Variants in NFIX observed in about 807,000 individuals in gnomAD.
NFIX encodes nuclear factor I X, also known as nuclear factor 1 X-type.
In NFIX, 2 loss-of-function variants were observed where a neutral mutation model predicts 53.3. That is an observed-to-expected ratio of 0.04 (90% CI 0.02 to 0.12). The LOEUF (loss-of-function observed/expected upper bound fraction) is 0.12, where lower values mean the gene tolerates loss of function less well. Ranked by LOEUF, NFIX falls within the 10% of genes least tolerant of loss-of-function variation. NFIX has a pLI of 1.00. For synonymous variants in NFIX, 244 were observed against 289.0 expected (o/e 0.84, Z 1.58); for missense variants, 310 against 674.5 (o/e 0.46, Z 5.99).
rs754554335 is a variant in NFIX at position 13,005,884 on chromosome 19, G to T, written c.27+10020G>T. 1.3e-5 allele frequency among the ~76,000 whole-genome samples: 2 copies of T among 152,186 alleles called. No homozygotes were observed. Among genetic ancestry groups the T allele is most frequent in the Non-Finnish European group, 2.9e-5 (2 of 68,032 alleles). The stretch of plus-strand genomic sequence containing the variant: ...ACCCCCTCTGCACCCCTGCTGGCCA[G>T]GCTTGCCCTCACCCCCGCAGGTCCA... On this transcript the variant is annotated intron_variant, in intron 1 of 10. Transcript: ENST00000592199. This position sits in a 1 kb window ranked among gnomAD's most constrained non-coding sequence, Gnocchi z 4.7.
chr19:13,085,129 C>T (rs1026659515), intron 8 of NFIX, among the ~76,000 whole-genome samples: 5 of 151,906 alleles, frequency 3.3e-5, no homozygotes, highest in Non-Finnish European at 7.4e-5. Context: ...CCTTCTAGCT[C>T]CTAACTCCTG....
At position 13,025,694 on chromosome 19, in the gene NFIX, G is replaced by A. The variant is rs1300196241; in HGVS notation, c.559+142G>A. 4 of 914,496 alleles carry A rather than the reference G, an allele frequency of 4.4e-6. No homozygotes were observed. Among genetic ancestry groups the A allele is most frequent in the Non-Finnish European group, 6.5e-6 (4 of 619,940 alleles). 56.6% of individuals were successfully genotyped at this position (914,496 alleles called of 1,614,324 possible). ...CCCGTCCTGCGGGGCCTGCAACACG[G>A]TTCTATGGGCCCTTTTCCTTTTTCC... On this transcript the variant is annotated intron_variant, in intron 2 of 10. Transcript: ENST00000592199. The surrounding 1 kb of genome is among the most constrained non-coding windows in gnomAD (Gnocchi z 7.5).
Position 13,014,259 on chromosome 19 carries a change from C to T in NFIX, c.28-10762C>T, listed in dbSNP as rs1017627968. 1 of 152,186 alleles carries T rather than the reference C, an allele frequency of 6.6e-6. No individual in the cohort carries two copies. Among genetic ancestry groups the T allele is most frequent in the African/African-American group, 2.4e-5 (1 of 41,434 alleles). The allele number at this position is 152,186 out of a possible 1,614,324, so 9.4% of individuals were successfully genotyped here. On this transcript the variant is annotated intron_variant, in intron 1 of 10. Coordinates refer to ENST00000592199, the MANE Select transcript of NFIX (RefSeq NM_001365902.3). The surrounding 1 kb of genome is among the most constrained non-coding windows in gnomAD (Gnocchi z 4.4). ...CGCAAATCCCCAAACTGGCACAAAC[C>T]GGGAAACTTGCGGCCGGCCGTTCTT...
rs1238940372 is a variant in NFIX, at chr19:13,009,440, A to G, written c.27+13576A>G. Among the ~76,000 whole-genome samples, 1 of 152,200 alleles carries G rather than the reference A, an allele frequency of 6.6e-6. No homozygotes were observed. The highest frequency in any genetic ancestry group is 1.5e-5 in the Non-Finnish European group (1 of 68,032). On this transcript the variant is annotated intron_variant, in intron 1 of 10. Transcript: ENST00000592199. This position sits in a 1 kb window ranked among gnomAD's most constrained non-coding sequence, Gnocchi z 4.7. The stretch of plus-strand genomic sequence containing the variant: ...CAAGTGCCAAGGTCATGGGGCTAGA[A>G]GCAGGGTGGTGGGGATTACCCAGCC...
intron 2 of NFIX, among the ~76,000 whole-genome samples, chr19:13,056,186 G>A (rs952200259): frequency 8.3e-4 from 127 of 152,306 alleles, no homozygotes; most frequent in African/African-American, 3.0e-3. Context: ...GGAAGCAGGC[G>A]GGCAGGGGGA....
chr19:13,069,791 G>GT (rs2016661119), intron 2 of NFIX: 1 of 152,328 alleles, frequency 6.6e-6, no homozygotes, highest in Non-Finnish European at 1.5e-5. Flanking sequence ...CAGGCAGAGT[G>GT]TTTTTTCTCA....
In NFIX at chr19:13,037,238, T is replaced by C. The variant is rs763659294; in HGVS notation, c.559+11686T>C. Among the ~76,000 whole-genome samples, 12 of 152,150 alleles carry C rather than the reference T, an allele frequency of 7.9e-5. No individual in the cohort carries two copies. The highest frequency in any genetic ancestry group is 1.8e-4 in the Non-Finnish European group (12 of 68,010). On this transcript the variant is annotated intron_variant, in intron 2 of 10. Coordinates refer to ENST00000592199, the MANE Select transcript of NFIX (RefSeq NM_001365902.3). The surrounding 1 kb of genome is among the most constrained non-coding windows in gnomAD (Gnocchi z 4.2). ...AGCTACAGAGTCTTCCCTGTCCTTCTCTCTCCCAGGTGACCTCTACAGGGC... is the reference window on the plus strand; with the variant it reads ...AGCTACAGAGTCTTCCCTGTCCTTCCCTCTCCCAGGTGACCTCTACAGGGC...
intron 8 of NFIX, among the ~76,000 whole-genome samples, chr19:13,085,207 AG>A (rs2017705969): frequency 6.6e-6 from 1 of 152,192 alleles, no homozygotes; most frequent in Non-Finnish European, 1.5e-5. Context: ...CCCCAGTCAG[AG>A]CTGAGACATG....
Position 13,073,784 on chromosome 19 carries a change from C to T in NFIX, c.698-122C>T. On this transcript the variant is annotated intron_variant, in intron 4 of 10. Transcript: ENST00000592199. This position sits in a 1 kb window ranked among gnomAD's most constrained non-coding sequence, Gnocchi z 4.5. ...CAGCAGCCCAGATGGCCCACTTTCT[C>T]CCATCTCCTGGCCCCACAGTAAACT... 5 of 1,351,046 alleles carry T rather than the reference C, an allele frequency of 3.7e-6. No individual in the cohort carries two copies. Among genetic ancestry groups the T allele is most frequent in the Non-Finnish European group, 5.1e-6 (5 of 975,552 alleles). 83.7% of individuals were successfully genotyped at this position (1,351,046 alleles called of 1,614,324 possible). A position where few individuals can be genotyped will look rare whatever the true frequency, so the allele number is the denominator to read the frequency against.
chr19:13,010,168 T>G (rs2145151390), intron 1 of NFIX, among the ~76,000 whole-genome samples: 1 of 152,250 alleles, frequency 6.6e-6, no homozygotes, highest in African/African-American at 2.4e-5. Flanking sequence ...CCAACAGGGC[T>G]CCAACGACAT....
chr19:13,073,092 T>C lies in NFIX; in HGVS notation c.605T>C (p.Ile202Thr). 6.2e-7 allele frequency: 1 copy of C among 1,614,000 alleles called. No homozygotes were observed. Among genetic ancestry groups the C allele is most frequent in the Non-Finnish European group, 8.5e-7 (1 of 1,179,870 alleles). Residue 202 changes from isoleucine (I) to threonine (T), a missense_variant, in exon 3 of 11, where the codon ATC becomes ACC. Coordinates refer to ENST00000592199, the MANE Select transcript of NFIX (RefSeq NM_001365902.3). This position sits in a 1 kb window ranked among gnomAD's most constrained non-coding sequence, Gnocchi z 4.5. ...DSSNQQGDAD[I>T]KPLPNGHLSF... ...TCAAACCAGCAAGGAGATGCGGACA[T>C]CAAACCACTGCCCAACGGTCAGTGC...
chr19:13,064,654 G>A (rs926092951), intron 2 of NFIX, among the ~76,000 whole-genome samples: 3 of 152,160 alleles, frequency 2.0e-5, no homozygotes, highest in Non-Finnish European at 2.9e-5. Flanking sequence ...CACTGGCAGT[G>A]GTCCCTGGGT....
Position 13,025,682 on chromosome 19 carries a change from GC to G in NFIX, c.559+132del. Reference sequence around the variant, plus strand: ...AACTGGTGTATGCCCGTCCTGCGGGGCCTGCAACACGGTTCTATGGGCCCTT... The same window carrying G: ...AACTGGTGTATGCCCGTCCTGCGGGGCTGCAACACGGTTCTATGGGCCCTT... On this transcript the variant is annotated intron_variant, in intron 2 of 10. Transcript: ENST00000592199. The surrounding 1 kb of genome is among the most constrained non-coding windows in gnomAD (Gnocchi z 7.5). 1 of 1,048,102 alleles carries G rather than the reference GC, an allele frequency of 9.5e-7. No individual in the cohort carries two copies. Among genetic ancestry groups the G allele is most frequent in the Non-Finnish European group, 1.4e-6 (1 of 734,226 alleles). The allele number at this position is 1,048,102 out of a possible 1,614,324, so 64.9% of individuals were successfully genotyped here. A position where few individuals can be genotyped will look rare whatever the true frequency, so the allele number is the denominator to read the frequency against.
intron 1 of NFIX, among the ~76,000 whole-genome samples, chr19:13,023,288 T>C (rs1171140138): frequency 2.0e-5 from 3 of 150,360 alleles, no homozygotes; most frequent in African/African-American, 7.4e-5. Context: ...ATCCACGTCC[T>C]CCCTCGATCC....
Position 13,028,076 on chromosome 19 carries a change from GC to G in NFIX, c.559+2525del, listed in dbSNP as rs141481989. Among the ~76,000 whole-genome samples, 466 of 152,334 alleles carry G rather than the reference GC, an allele frequency of 3.1e-3. 2 individuals are homozygous for G. The highest frequency in any genetic ancestry group is 0.011 in the African/African-American group (449 of 41,576). On this transcript the variant is annotated intron_variant, in intron 2 of 10. Coordinates refer to ENST00000592199, the MANE Select transcript of NFIX (RefSeq NM_001365902.3). This position sits in a 1 kb window ranked among gnomAD's most constrained non-coding sequence, Gnocchi z 4.2. The stretch of plus-strand genomic sequence containing the variant: ...GTGGTCTTGAGATGGCACAGACCAG[GC>G]ATGGCTTGCTTCCTCCTTGAGCTGG...
chr19:13,037,875 A>G lies in NFIX; in HGVS notation c.559+12323A>G, dbSNP rs2145250594. ...CTGCATATGACAGTCCCCCAGGAAC[A>G]AAGAATCATCTCGCCCCCAAACGTC... On this transcript the variant is annotated intron_variant, in intron 2 of 10. Coordinates refer to ENST00000592199, the MANE Select transcript of NFIX (RefSeq NM_001365902.3). This position sits in a 1 kb window ranked among gnomAD's most constrained non-coding sequence, Gnocchi z 4.2. 6.6e-6 allele frequency among the ~76,000 whole-genome samples: 1 copy of G among 152,276 alleles called. No individual in the cohort carries two copies. Among genetic ancestry groups the G allele is most frequent in the East Asian group, 1.9e-4 (1 of 5,178 alleles).
intron 2 of NFIX, among the ~76,000 whole-genome samples, chr19:13,031,437 G>T (rs895219921): frequency 2.0e-5 from 3 of 152,170 alleles, no homozygotes; most frequent in Non-Finnish European, 4.4e-5. Context: ...GGGTCCAGAC[G>T]TGCAGAAGGA....
intron 2 of NFIX, among the ~76,000 whole-genome samples, chr19:13,061,506 G>T (rs1054185203): frequency 6.6e-6 from 1 of 152,204 alleles, no homozygotes; most frequent in African/African-American, 2.4e-5. Context: ...GCGCCCCGCC[G>T]CAGCCCTCGG....
intron 2 of NFIX, among the ~76,000 whole-genome samples, chr19:13,062,779 C>T (rs1375738744): frequency 1.3e-5 from 2 of 152,230 alleles, no homozygotes; most frequent in Admixed American, 6.5e-5. Flanking sequence ...TCAGTCCCTG[C>T]TCCACCAAGG....
Sources: allele counts gnomAD v4.1 joint callset (sites outside exome capture counted in the v4.1 genomes callset), GRCh38; gene constraint gnomAD v4.1.1; non-coding constraint Gnocchi (gnomAD v3.1); transcripts MANE v1.5; gene names NCBI Gene and HGNC (gene_info 2026-07-23, HGNC 2026-07-21).